The following CAMTA1 variants were observed in gnomAD, a reference collection of about 807,000 sequenced individuals.
The protein encoded by CAMTA1 is calmodulin-binding transcription activator 1.
CAMTA1 carries 27 observed loss-of-function variants against 170.9 expected under a neutral mutation model. The ratio of observed to expected loss-of-function variants is 0.16; its 90% CI spans 0.12 to 0.22. The LOEUF (loss-of-function observed/expected upper bound fraction) is 0.22, where lower values mean the gene tolerates loss of function less well. Among genes scored for constraint, CAMTA1 ranks in the 10% least tolerant of loss-of-function variants. The pLI, the probability that CAMTA1 is intolerant of heterozygous loss-of-function variation, is 1.00. For missense variants in CAMTA1, 1,619 were observed against 2,217.2 expected (o/e 0.73, Z 5.42); for synonymous variants, 833 against 891.5 (o/e 0.93, Z 1.17).
Position 7,066,612 on chromosome 1 carries a change from G to A in CAMTA1, c.235-24692G>A, listed in dbSNP as rs1364123014. On this transcript the variant is annotated intron_variant, in intron 3 of 22. Transcript: ENST00000303635. ...ACTTGCATCAGGCTGCAAAGTGCAT[G>A]AAGTTGAAGCTGACTCCTTGCTTAA... 3.9e-5 allele frequency among the ~76,000 whole-genome samples: 6 copies of A among 152,224 alleles called. No individual in the cohort carries two copies. The East Asian group carries it at 1.2e-3, about 29-fold the overall frequency.
At chr1:7,604,570 T>C (rs1305680805) in intron 6 of CAMTA1, among the ~76,000 whole-genome samples, 2 of 152,232 alleles carry the variant, frequency 1.3e-5, no homozygotes, top group African/African-American at 4.8e-5. Flanking sequence ...TTATTCTAGC[T>C]AGCCATTCAT....
At chr1:7,469,616 C>T (rs1021336269) in intron 6 of CAMTA1, among the ~76,000 whole-genome samples, 14 of 152,240 alleles carry the variant, frequency 9.2e-5, no homozygotes, top group African/African-American at 2.7e-4. Context: ...CGGGGCAGCA[C>T]CTGGAAGCTG....
intron 5 of CAMTA1, among the ~76,000 whole-genome samples, chr1:7,403,082 G>T (rs2149214133): frequency 6.6e-6 from 1 of 152,336 alleles, no homozygotes; most frequent in South Asian, 2.1e-4. Context: ...CCCAGGCGCG[G>T]TGGCTCACGC....
At chr1:7,696,046 G>C (rs1014632966) in intron 11 of CAMTA1, among the ~76,000 whole-genome samples, 2 of 152,102 alleles carry the variant, frequency 1.3e-5, no homozygotes, top group African/African-American at 4.8e-5. Flanking sequence ...TCATTTTCAC[G>C]GGTACCTGAC....
At chr1:6,963,164 G>A (rs1004383762) in intron 3 of CAMTA1, among the ~76,000 whole-genome samples, 12 of 150,190 alleles carry the variant, frequency 8.0e-5, no homozygotes, top group Non-Finnish European at 1.5e-4. Context: ...TCCTTGGCAG[G>A]CTCCAGCCTC....
Position 7,751,223 on chromosome 1 carries a change from C to G in CAMTA1, c.4714C>G (p.Gln1572Glu). ...KQYALYKKMTQAAILIQSKFR... is the reference protein window; with the variant it reads ...KQYALYKKMTEAAILIQSKFR... ...GTACGCACTTTATAAAAAGATGACA[C>G]AGGCTGCCATCCTTATCCAGAGCAA... The change falls in exon 20 of 23, where the codon CAG becomes GAG. Residue 1572 changes from glutamine (Q) to glutamate (E), a missense_variant. Physicochemically the swap from Gln to Glu is conservative, Grantham distance 29. This residue lies in a region of CAMTA1 where 128 missense variants were observed against 213.5 expected (regional missense o/e 0.60). Transcript: ENST00000303635. The G allele has an allele frequency of 6.3e-7, 1 of 1,594,372 alleles. No individual in the cohort carries two copies. The highest frequency in any genetic ancestry group is 8.5e-7 in the Non-Finnish European group (1 of 1,173,740).
Position 7,286,570 on chromosome 1 carries a change from T to C in CAMTA1, c.438+36944T>C, listed in dbSNP as rs1238730121. On this transcript the variant is annotated intron_variant, in intron 5 of 22. Coordinates refer to ENST00000303635, the MANE Select transcript of CAMTA1 (RefSeq NM_015215.4). This position sits in a 1 kb window ranked among gnomAD's most constrained non-coding sequence, Gnocchi z 4.2. The stretch of plus-strand genomic sequence containing the variant: ...TGGCTGACGTTAATGCACAGAATCA[T>C]TGTAGTATCAATGCAGGATTTTGGC... Among the ~76,000 whole-genome samples the C allele has an allele frequency of 6.6e-6, 1 of 152,160 alleles. No individual in the cohort carries two copies. Among genetic ancestry groups the C allele is most frequent in the Non-Finnish European group, 1.5e-5 (1 of 68,030 alleles).
chr1:7,453,600 G>T (rs1178799469), intron 5 of CAMTA1, among the ~76,000 whole-genome samples: 1 of 152,198 alleles, frequency 6.6e-6, no homozygotes. Context: ...GGGGAAGGCT[G>T]CCCTGCACCT....
At chr1:7,638,661 A>G (rs1187588688) in intron 6 of CAMTA1, among the ~76,000 whole-genome samples, 1 of 152,082 alleles carries the variant, frequency 6.6e-6, no homozygotes. Flanking sequence ...AAAAAGGTTC[A>G]AGAAATACCC....
chr1:7,217,603 AT>A (rs1395939651), intron 4 of CAMTA1, among the ~76,000 whole-genome samples: 1 of 151,946 alleles, frequency 6.6e-6, no homozygotes, highest in African/African-American at 2.4e-5. Context: ...TACATGATGC[AT>A]TTTCTATACT....
At chr1:6,927,985 C>G (rs1403017735) in intron 3 of CAMTA1, among the ~76,000 whole-genome samples, 3 of 152,158 alleles carry the variant, frequency 2.0e-5, no homozygotes, top group Non-Finnish European at 4.4e-5. Flanking sequence ...TTCTTCCTGC[C>G]TCCCTCCTCC....
chr1:7,200,957 T>C (rs1406948679), intron 4 of CAMTA1, among the ~76,000 whole-genome samples: 2 of 152,214 alleles, frequency 1.3e-5, no homozygotes, highest in African/African-American at 4.8e-5. Flanking sequence ...AGGTTTTTAG[T>C]ATATTCACAT....
At chr1:7,698,219 G>A (rs546842878) in intron 11 of CAMTA1, 2 of 152,396 alleles carry the variant, frequency 1.3e-5, no homozygotes, top group African/African-American at 4.8e-5. Flanking sequence ...CACAGCAGAA[G>A]AAGAAGAATT....
At chr1:7,501,084 C>G (rs1388593961) in intron 6 of CAMTA1, among the ~76,000 whole-genome samples, 3 of 152,170 alleles carry the variant, frequency 2.0e-5, no homozygotes, top group African/African-American at 7.2e-5. Context: ...GTGCCACGCG[C>G]CACCCCTCGT....
At chr1:7,724,698 CT>C (rs2096671835) in intron 11 of CAMTA1, among the ~76,000 whole-genome samples, 1 of 151,730 alleles carries the variant, frequency 6.6e-6, no homozygotes, top group African/African-American at 2.4e-5. Context: ...TGGCTCATGC[CT>C]GTAGTCCCAG....
chr1:6,975,769 C>T (rs540499665), intron 3 of CAMTA1, among the ~76,000 whole-genome samples: 1 of 152,138 alleles, frequency 6.6e-6, no homozygotes, highest in Non-Finnish European at 1.5e-5. Flanking sequence ...TTAATCGCCC[C>T]AAAAGGAAGC....
At chr1:7,012,031 T>C (rs1160301359) in intron 3 of CAMTA1, among the ~76,000 whole-genome samples, 2 of 152,200 alleles carry the variant, frequency 1.3e-5, no homozygotes, top group African/African-American at 4.8e-5. Context: ...CAGTTCATCA[T>C]GCTCACTGGG....
intron 11 of CAMTA1, among the ~76,000 whole-genome samples, chr1:7,715,418 C>T (rs559391654): frequency 5.9e-5 from 9 of 151,280 alleles, no homozygotes; most frequent in East Asian, 2.0e-4. Context: ...CAAGCTGCAT[C>T]CCATAGCCAC....
chr1:7,011,874 C>T (rs61780921), intron 3 of CAMTA1, among the ~76,000 whole-genome samples: 3,144 of 152,192 alleles, frequency 0.021, 75 homozygotes, highest in South Asian at 0.091. Flanking sequence ...CTCCAAATTC[C>T]GAGATTACAA....
Sources: gnomAD v4.1 joint callset for allele counts (sites outside exome capture counted in the v4.1 genomes callset) on GRCh38, gnomAD v4.1.1 for gene constraint, gnomAD v4.1.1 regional missense constraint, Gnocchi (gnomAD v3.1) non-coding constraint, MANE v1.5 for transcripts, NCBI Gene and HGNC (gene_info 2026-07-23, HGNC 2026-07-21) for gene names.